The following CXCL13 variants were observed in gnomAD, a reference collection of about 807,000 sequenced individuals.
CXCL13 encodes the protein C-X-C motif chemokine 13.
Under a neutral mutation model 12.2 loss-of-function variants are expected in CXCL13, and 7 were observed. That is an observed-to-expected ratio of 0.57 (90% CI 0.33 to 1.07). The LOEUF is 1.07. Among genes scored for constraint, CXCL13 ranks in the 50% least tolerant of loss-of-function variants. The pLI is 0.04. For synonymous variants in CXCL13, 47 were observed against 42.4 expected (o/e 1.11, Z -0.42); for missense variants, 113 against 127.4 (o/e 0.89, Z 0.55).
intron 1 of CXCL13, among the ~76,000 whole-genome samples, chr4:77,596,642 G>A (rs1726766418): frequency 6.6e-6 from 1 of 152,088 alleles, no homozygotes; most frequent in African/African-American, 2.4e-5. Flanking sequence ...AAAATTAGCT[G>A]GGTATGGTGG....
At chr4:77,582,497 G>C (rs1444484871) in intron 1 of CXCL13, among the ~76,000 whole-genome samples, 1 of 152,206 alleles carries the variant, frequency 6.6e-6, no homozygotes, top group Non-Finnish European at 1.5e-5. Context: ...TGAGGAGAGA[G>C]AGAGCAAGAG....
At chr4:77,525,851 T>C (rs1724749569) in intron 1 of CXCL13, among the ~76,000 whole-genome samples, 1 of 151,874 alleles carries the variant, frequency 6.6e-6, no homozygotes, top group Non-Finnish European at 1.5e-5. Context: ...ATTCAGCAGA[T>C]GGGTGGGGAA....
intron 2 of CXCL13, among the ~76,000 whole-genome samples, chr4:77,610,170 T>G: frequency 6.8e-6 from 1 of 147,318 alleles, no homozygotes; most frequent in African/African-American, 2.6e-5. Flanking sequence ...GAAATTGCAC[T>G]GAATTTTTTT....
At position 77,611,403 on chromosome 4, in the gene CXCL13, T is replaced by A. The variant is rs1193853449; in HGVS notation, c.*364T>A. 5.4e-6 allele frequency: 2 copies of A among 369,810 alleles called. No individual in the cohort carries two copies. The highest frequency in any genetic ancestry group is 9.5e-6 in the Non-Finnish European group (2 of 209,822). 22.9% of individuals were successfully genotyped at this position (369,810 alleles called of 1,614,324 possible). Reference sequence around the variant, plus strand: ...CTCAAATTTGAACATGTGGCTTGAATTAAGAAGAAAATTATGGCATATATT... The same window carrying A: ...CTCAAATTTGAACATGTGGCTTGAAATAAGAAGAAAATTATGGCATATATT... On this transcript the variant is annotated 3_prime_UTR_variant, in exon 4 of 4. Coordinates refer to ENST00000682537, the MANE Select transcript of CXCL13 (RefSeq NM_001371558.1).
chr4:77,603,837 T>C (rs1400315977), upstream of CXCL13, among the ~76,000 whole-genome samples: 1 of 152,210 alleles, frequency 6.6e-6, no homozygotes, highest in Non-Finnish European at 1.5e-5. Context: ...ACATTCTACA[T>C]GCCAGTATTT....
intron 1 of CXCL13, among the ~76,000 whole-genome samples, chr4:77,552,490 T>C (rs1307314639): frequency 6.6e-6 from 1 of 152,224 alleles, no homozygotes; most frequent in African/African-American, 2.4e-5. Context: ...GTGATCCTTG[T>C]TTACTGAGAG....
At chr4:77,545,066 G>T (rs1331285558) in intron 1 of CXCL13, among the ~76,000 whole-genome samples, 1 of 152,104 alleles carries the variant, frequency 6.6e-6, no homozygotes, top group Non-Finnish European at 1.5e-5. Flanking sequence ...TAGATGTGTG[G>T]TATTACTTCT....
At chr4:77,549,539 T>C (rs936628399) in intron 1 of CXCL13, among the ~76,000 whole-genome samples, 2 of 152,212 alleles carry the variant, frequency 1.3e-5, no homozygotes, top group Non-Finnish European at 2.9e-5. Flanking sequence ...GTTCTTTTGT[T>C]GATGTTGGTG....
At chr4:77,566,891 G>A (rs142172725) in intron 1 of CXCL13, among the ~76,000 whole-genome samples, 1 of 152,248 alleles carries the variant, frequency 6.6e-6, no homozygotes, top group African/African-American at 2.4e-5. Context: ...TGGGTGTCGG[G>A]CCTCTGAGCC....
intron 1 of CXCL13, among the ~76,000 whole-genome samples, chr4:77,515,786 G>C (rs1266510462): frequency 6.6e-6 from 1 of 152,162 alleles, no homozygotes; most frequent in Non-Finnish European, 1.5e-5. Context: ...TTTCCTAACT[G>C]AATACCCTTT....
chr4:77,601,129 G>A (rs1726873821), upstream of CXCL13, among the ~76,000 whole-genome samples: 1 of 152,100 alleles, frequency 6.6e-6, no homozygotes, highest in Admixed American at 6.6e-5. Context: ...ACACGTTTTA[G>A]GTTTGTGGTG....
intron 1 of CXCL13, among the ~76,000 whole-genome samples, chr4:77,550,804 G>A (rs1381946274): frequency 1.3e-5 from 2 of 152,070 alleles, no homozygotes; most frequent in African/African-American, 4.8e-5. Flanking sequence ...CTCCAATGTT[G>A]GGTGTGTATA....
chr4:77,597,781 A>C lies in CXCL13; in HGVS notation c.-42-8043A>C, dbSNP rs184117777. 3.7e-4 allele frequency among the ~76,000 whole-genome samples: 57 copies of C among 152,280 alleles called. No homozygotes were observed. The East Asian group carries it at 0.011, about 29-fold the overall frequency. The stretch of plus-strand genomic sequence containing the variant: ...TGCTCTGTGGCCACATTCTATGTCC[A>C]AAGCACCAGCAGCACCAAGGCTGAC... On this transcript the variant is annotated intron_variant, in intron 1 of 4. Coordinates refer to the CXCL13 transcript ENST00000286758.
intron 1 of CXCL13, among the ~76,000 whole-genome samples, chr4:77,546,384 T>G (rs1560521803): frequency 1.3e-5 from 2 of 152,210 alleles, no homozygotes; most frequent in African/African-American, 2.4e-5. Flanking sequence ...GTCCTGGACT[T>G]TTTTGGTTGG....
chr4:77,530,904 G>C (rs1045820573), intron 1 of CXCL13, among the ~76,000 whole-genome samples: 2 of 151,460 alleles, frequency 1.3e-5, no homozygotes, highest in African/African-American at 4.9e-5. Context: ...TTTCTCTTGT[G>C]GGCATTTAGT....
upstream of CXCL13, among the ~76,000 whole-genome samples, chr4:77,604,198 T>C (rs542445377): frequency 2.0e-5 from 3 of 152,268 alleles, no homozygotes; most frequent in East Asian, 3.9e-4. Context: ...CCGAGCACGG[T>C]TGGGGTAGAA....
intron 1 of CXCL13, among the ~76,000 whole-genome samples, chr4:77,576,065 TG>T (rs1430291579): frequency 6.6e-6 from 1 of 151,830 alleles, no homozygotes; most frequent in African/African-American, 2.4e-5. Flanking sequence ...CTGCAAAAGA[TG>T]GTTTATAATC....
At chr4:77,604,298 A>C (rs1578073771), upstream of CXCL13, among the ~76,000 whole-genome samples, 3 of 152,212 alleles carry the variant, frequency 2.0e-5, no homozygotes, top group South Asian at 6.2e-4. Context: ...ACTTCACCAG[A>C]TCAGCATTGC....
intron 1 of CXCL13, among the ~76,000 whole-genome samples, chr4:77,593,651 T>C (rs1199872965): frequency 2.0e-5 from 3 of 152,230 alleles, no homozygotes; most frequent in Admixed American, 6.5e-5. Context: ...TCCCTTTTTA[T>C]AGATGAGAAC....
Sources: allele counts gnomAD v4.1 joint callset (sites outside exome capture counted in the v4.1 genomes callset), GRCh38; gene constraint gnomAD v4.1.1; transcripts MANE v1.5; gene names NCBI Gene and HGNC (gene_info 2026-07-23, HGNC 2026-07-21).